NUP98: variants seen among roughly 807,000 people sequenced by gnomAD.
NUP98 encodes the protein nucleoporin 98 and 96 precursor.
A neutral mutation model predicts 191.9 loss-of-function variants in NUP98; 26 were observed. The ratio of observed to expected loss-of-function variants is 0.14; its 90% CI spans 0.10 to 0.19. The LOEUF (loss-of-function observed/expected upper bound fraction) is 0.19. Ranked by LOEUF, NUP98 falls within the 10% of genes least tolerant of loss-of-function variation. The pLI is 1.00. For missense variants in NUP98, 1,941 were observed against 2,178.8 expected (o/e 0.89, Z 2.17); for synonymous variants, 808 against 778.4 (o/e 1.04, Z -0.63).
rs886277777 is a variant in NUP98, at chr11:3,735,329, T to A, written c.1409-5A>T. The A allele has an allele frequency of 6.7e-4, 724 of 1,076,372 alleles. No homozygotes were observed. The highest frequency in any genetic ancestry group is 1.5e-3 in the South Asian group (63 of 43,212). The allele number at this position is 1,076,372 out of a possible 1,614,324, so 66.7% of individuals were successfully genotyped here. ...AAGCATTTGGATCTGTCAAAGCTTT[T>A]AAAAAAAAAAAAAGAAAACAAAATA... On this transcript the variant is annotated splice_region_variant and splice_polypyrimidine_tract_variant and intron_variant, in intron 12 of 32. Coordinates refer to ENST00000324932, the MANE Select transcript of NUP98 (RefSeq NM_016320.5).
chr11:3,705,920 C>T lies in NUP98; in HGVS notation c.2925+525G>A, dbSNP rs149446244. On this transcript the variant is annotated intron_variant, in intron 21 of 32. Coordinates refer to ENST00000324932, the MANE Select transcript of NUP98 (RefSeq NM_016320.5). ...ATCCTAGCACTCTGGAAGGCCAACG[C>T]GGGCAGATCACCTGAGGTCAGGAGT... is the stretch of plus-strand genomic sequence containing the variant. 6.4e-3 allele frequency among the ~76,000 whole-genome samples: 948 copies of T among 149,124 alleles called. 11 individuals are homozygous for T. Among genetic ancestry groups the T allele is most frequent in the African/African-American group, 0.022 (893 of 40,368 alleles).
At chr11:3,726,003 A>G (rs1320495337) in intron 14 of NUP98, among the ~76,000 whole-genome samples, 1 of 152,118 alleles carries the variant, frequency 6.6e-6, no homozygotes, top group Non-Finnish European at 1.5e-5. Context: ...TGTTGAAACA[A>G]GGTTTCGCCA....
chr11:3,735,316 C>T lies in NUP98; in HGVS notation c.1417G>A (p.Asp473Asn). Residue 473 changes from aspartate (D) to asparagine (N), a missense_variant, in exon 13 of 33, where the codon GAT becomes AAT. Transcript: ENST00000324932. ...GAPQAPVALT[D>N]PNASAAQQAV... ...TGCTGGGCAGCAGAAGCATTTGGAT[C>T]TGTCAAAGCTTTTAAAAAAAAAAAA... 1 of 1,469,656 alleles carries T rather than the reference C, an allele frequency of 6.8e-7. No homozygotes were observed. The highest frequency in any genetic ancestry group is 9.0e-7 in the Non-Finnish European group (1 of 1,113,408). 91.0% of individuals were successfully genotyped at this position (1,469,656 alleles called of 1,614,324 possible).
chr11:3,700,107 G>A (rs2078629020), intron 24 of NUP98, among the ~76,000 whole-genome samples: 1 of 152,068 alleles, frequency 6.6e-6, no homozygotes, highest in South Asian at 2.1e-4. Flanking sequence ...TGTAATCCCA[G>A]CACTTTGGAA....
chr11:3,789,450 C>T (rs1185070052), intron 1 of NUP98, among the ~76,000 whole-genome samples: 1 of 149,104 alleles, frequency 6.7e-6, no homozygotes, highest in South Asian at 2.1e-4. Context: ...ACATCTCTGT[C>T]TTTATTCCCA....
chr11:3,752,151 A>G (rs2080784714), intron 11 of NUP98, among the ~76,000 whole-genome samples: 1 of 151,812 alleles, frequency 6.6e-6, no homozygotes, highest in Non-Finnish European at 1.5e-5. Context: ...CTCAAAAAAA[A>G]AAAAGGGAAA....
chr11:3,738,990 A>G (rs1261390104), intron 12 of NUP98, among the ~76,000 whole-genome samples: 1 of 152,086 alleles, frequency 6.6e-6, no homozygotes, highest in Non-Finnish European at 1.5e-5. Context: ...GCACACTCAC[A>G]TAGTTCTAAA....
chr11:3,760,382 G>A (rs774681904), intron 10 of NUP98, 157 bp downstream of exon 10: 15 of 1,079,744 alleles, frequency 1.4e-5, no homozygotes, highest in East Asian at 7.2e-5. Flanking sequence ...TCAAGCTACC[G>A]CTTACCTGAG....
At chr11:3,712,066 A>T in intron 20 of NUP98, 1 of 1,048,974 alleles carries the variant, frequency 9.5e-7, no homozygotes, top group Non-Finnish European at 1.2e-6. Context: ...TTTCATAAAG[A>T]TTATGTACTA....
At chr11:3,734,957 G>A (rs925074689) in intron 13 of NUP98, among the ~76,000 whole-genome samples, 3 of 152,106 alleles carry the variant, frequency 2.0e-5, no homozygotes, top group African/African-American at 7.2e-5. Context: ...CTTATTTCAG[G>A]ACTGTTGAAA....
intron 25 of NUP98, among the ~76,000 whole-genome samples, chr11:3,698,526 G>A (rs193068573): frequency 7.1e-4 from 108 of 151,636 alleles, no homozygotes; most frequent in African/African-American, 2.4e-3. Context: ...TCAGGAGTTC[G>A]AGACCAGCCT....
At chr11:3,740,888 G>A (rs933191021) in intron 12 of NUP98, among the ~76,000 whole-genome samples, 11 of 151,148 alleles carry the variant, frequency 7.3e-5, no homozygotes, top group Non-Finnish European at 1.6e-4. Flanking sequence ...GCGTGACGTC[G>A]GCTCGGTGCA....
At chr11:3,731,996 C>T (rs2079870215) in intron 13 of NUP98, among the ~76,000 whole-genome samples, 1 of 152,168 alleles carries the variant, frequency 6.6e-6, no homozygotes, top group African/African-American at 2.4e-5. Flanking sequence ...ACTAACCGAA[C>T]TGTCTTTATT....
rs1403053494 is a variant in NUP98, at chr11:3,731,559, G to A, written c.1562C>T (p.Pro521Leu). ...TGTAGTAAGAGCCTTCTGGGCTGCTGGATTTGTTGGTTTCAATCTCTGAAA... is the reference window on the plus strand; with the variant it reads ...TGTAGTAAGAGCCTTCTGGGCTGCTAGATTTGTTGGTTTCAATCTCTGAAA... The part of the protein sequence containing the change: ...KKEERLKPTN[P>L]AAQKALTTPT... The change falls in exon 14 of 33, where the codon CCA (proline) becomes CTA (leucine). Residue 521 changes from proline (P) to leucine (L), a missense_variant. Physicochemically the swap from Pro to Leu is moderately conservative, Grantham distance 98. Around this residue, in one of 6 missense-constraint regions of NUP98, gnomAD observed 453 missense variants for 438.2 expected, o/e 1.03. Transcript: ENST00000324932. 4 of 1,556,954 alleles carry A rather than the reference G, an allele frequency of 2.6e-6. No homozygotes were observed. Among genetic ancestry groups the A allele is most frequent in the Admixed American group, 1.9e-5 (1 of 51,442 alleles).
chr11:3,724,603 G>A (rs572736080), intron 15 of NUP98, among the ~76,000 whole-genome samples: 83 of 151,658 alleles, frequency 5.5e-4, no homozygotes, highest in Admixed American at 5.4e-3. Context: ...ACCATCCTTG[G>A]CTAACAAGGT....
At chr11:3,765,579 C>T (rs1371821358) in intron 8 of NUP98, among the ~76,000 whole-genome samples, 1 of 152,038 alleles carries the variant, frequency 6.6e-6, no homozygotes, top group Non-Finnish European at 1.5e-5. Flanking sequence ...GCAGTCGGAT[C>T]ATTTGAGGTC....
At position 3,725,189 on chromosome 11, in the gene NUP98, G is replaced by A; in HGVS notation, c.1761C>T (p.Asn587=). The stretch of plus-strand genomic sequence containing the variant: ...GAGAAAAGAGATTGCTATTATTAAG[G>A]TTCTTCAAAACCAACTTCTTAATGC... ...KKSIKKLVLK[N]LNNSNLFSPV... The change falls in exon 15 of 33, where the codon AAC becomes AAT. Residue 587 remains asparagine, a synonymous_variant. Transcript: ENST00000324932. 9 of 1,592,078 alleles carry A rather than the reference G, an allele frequency of 5.7e-6. No individual in the cohort carries two copies. Among genetic ancestry groups the A allele is most frequent in the Non-Finnish European group, 7.7e-6 (9 of 1,163,256 alleles).
intron 19 of NUP98, 133 bp from the exon 20 acceptor site, chr11:3,712,861 T>C: frequency 2.5e-6 from 2 of 813,056 alleles, no homozygotes; most frequent in South Asian, 1.8e-5. Flanking sequence ...TAAAGCAAAA[T>C]ATATCACCTA....
chr11:3,714,485 T>C (rs796332563), intron 18 of NUP98, among the ~76,000 whole-genome samples: 35 of 152,278 alleles, frequency 2.3e-4, no homozygotes, highest in African/African-American at 7.5e-4. Context: ...AGAGTTCAAG[T>C]GTTGTATCCT....
Sources: gnomAD v4.1 joint callset for allele counts (sites outside exome capture counted in the v4.1 genomes callset) on GRCh38, gnomAD v4.1.1 for gene constraint, gnomAD v4.1.1 regional missense constraint, MANE v1.5 for transcripts, NCBI Gene and HGNC (gene_info 2026-07-23, HGNC 2026-07-21) for gene names.